CDH12: variants seen among roughly 807,000 people sequenced by gnomAD.
CDH12 encodes the protein cadherin-12.
A neutral mutation model predicts 74.1 loss-of-function variants in CDH12; 41 were observed. That is an observed-to-expected ratio of 0.55 (90% confidence interval 0.43 to 0.72). The LOEUF is 0.72. Ranked by LOEUF, CDH12 falls within the 30% of genes least tolerant of loss-of-function variation. CDH12 has a pLI of 0.00. For synonymous variants in CDH12, 399 were observed against 355.0 expected, an observed-to-expected ratio of 1.12 and a Z score of -1.39; for missense variants, 945 against 977.2, an observed-to-expected ratio of 0.97 and a Z score of 0.44.
chr5:22,135,845 C>A (rs991656765), intron 4 of CDH12, among the ~76,000 whole-genome samples: 3 of 151,898 alleles, frequency 2.0e-5, no homozygotes, highest in Non-Finnish European at 4.4e-5. Context: ...CAGGCACTTT[C>A]AGCAGCCAGA....
chr5:22,701,104 G>T (rs1020506151), intron 1 of CDH12, among the ~76,000 whole-genome samples: 1 of 151,848 alleles, frequency 6.6e-6, no homozygotes, highest in Admixed American at 6.6e-5. Flanking sequence ...GATTCTATCC[G>T]TATGCCCCAA....
chr5:22,242,717 G>C (rs775715821), intron 3 of CDH12, among the ~76,000 whole-genome samples: 3 of 152,110 alleles, frequency 2.0e-5, no homozygotes, highest in African/African-American at 7.2e-5. Flanking sequence ...GAAAGCGATA[G>C]GTGGCTCTGG....
At chr5:22,824,085 G>C (rs1252763242) in intron 1 of CDH12, among the ~76,000 whole-genome samples, 1 of 152,124 alleles carries the variant, frequency 6.6e-6, no homozygotes, top group Non-Finnish European at 1.5e-5. Context: ...GAAAGAGATT[G>C]TAATTAGACT....
intron 3 of CDH12, among the ~76,000 whole-genome samples, chr5:22,357,634 T>C (rs1360334089): frequency 2.0e-5 from 3 of 152,180 alleles, no homozygotes; most frequent in African/African-American, 7.2e-5. Context: ...TGGATTGATA[T>C]AAGAAAGTTC....
intron 9 of CDH12, among the ~76,000 whole-genome samples, chr5:21,811,253 C>G (rs1009933837): frequency 6.6e-6 from 1 of 151,996 alleles, no homozygotes; most frequent in Non-Finnish European, 1.5e-5. Context: ...TCATTTTAAA[C>G]AGTTTCTAAG....
chr5:22,236,583 A>AT, intron 3 of CDH12, among the ~76,000 whole-genome samples: 1 of 151,948 alleles, frequency 6.6e-6, no homozygotes, highest in Non-Finnish European at 1.5e-5. Context: ...AAATACAAAA[A>AT]ACACACACAA....
intron 6 of CDH12, among the ~76,000 whole-genome samples, chr5:21,942,715 T>A (rs1158818109): frequency 1.3e-5 from 2 of 152,130 alleles, no homozygotes; most frequent in African/African-American, 4.8e-5. Flanking sequence ...TTCTCATTTC[T>A]ATGTGTCTTT....
At chr5:22,184,865 T>G (rs1410380241) in intron 4 of CDH12, among the ~76,000 whole-genome samples, 2 of 152,254 alleles carry the variant, frequency 1.3e-5, no homozygotes, top group East Asian at 3.9e-4. Flanking sequence ...TTTAAAAAAC[T>G]TTTAAGTTCA....
Position 21,975,235 on chromosome 5 carries a change from G to A in CDH12, c.382C>T (p.Arg128Cys), listed in dbSNP as rs765635488. The stretch of plus-strand genomic sequence containing the variant: ...GTTTCTATGTCCACAGCCTGAGCAC[G>A]AAGAGTGTAGAAAGGTTTCTCTTCT... ...DREEKPFYTLRAQAVDIETRK... is the reference protein window; with the variant it reads ...DREEKPFYTLCAQAVDIETRK... The change falls in exon 6 of 15, where the codon CGT becomes TGT. Residue 128 changes from arginine to cysteine, a missense_variant. By Grantham distance (180) the Arg-to-Cys change is radical (BLOSUM62 -3). Around this residue, in one of 3 missense-constraint regions of CDH12, gnomAD observed 148 missense variants for 162.8 expected, o/e 0.91. Coordinates refer to ENST00000382254, the MANE Select transcript of CDH12 (RefSeq NM_004061.5). The A allele has an allele frequency of 1.0e-5, 16 of 1,597,304 alleles. No individual in the cohort carries two copies. Among genetic ancestry groups the A allele is most frequent in the South Asian group, 2.2e-5 (2 of 90,978 alleles).
At chr5:22,675,795 T>C (rs948494361) in intron 1 of CDH12, among the ~76,000 whole-genome samples, 5 of 147,626 alleles carry the variant, frequency 3.4e-5, no homozygotes, top group Non-Finnish European at 7.5e-5. Flanking sequence ...CTTAGGTATG[T>C]CTTTATCAGC....
chr5:22,503,006 G>A (rs1337633249), intron 2 of CDH12, among the ~76,000 whole-genome samples: 1 of 151,294 alleles, frequency 6.6e-6, no homozygotes, highest in Non-Finnish European at 1.5e-5. Context: ...AATGTCCTTT[G>A]GCTGCATTTT....
At chr5:22,261,056 T>C (rs1198122876) in intron 3 of CDH12, among the ~76,000 whole-genome samples, 1 of 138,730 alleles carries the variant, frequency 7.2e-6, no homozygotes, top group African/African-American at 2.5e-5. Context: ...TATATATGTG[T>C]GTGTGTGTGT....
intron 1 of CDH12, among the ~76,000 whole-genome samples, chr5:22,725,405 G>A (rs1389698831): frequency 2.6e-5 from 4 of 151,760 alleles, no homozygotes; most frequent in Non-Finnish European, 1.5e-5. Context: ...AGTTAATCTA[G>A]CTCAATCTCT....
chr5:22,483,369 C>T (rs1207218358), intron 2 of CDH12, among the ~76,000 whole-genome samples: 1 of 151,870 alleles, frequency 6.6e-6, no homozygotes, highest in African/African-American at 2.4e-5. Flanking sequence ...TTATTGAATA[C>T]CTACACTATG....
intron 4 of CDH12, among the ~76,000 whole-genome samples, chr5:22,154,469 G>A (rs1207304603): frequency 3.5e-3 from 2 of 578 alleles, no homozygotes; most frequent in East Asian, 0.11. Context: ...ACATATATAT[G>A]TACACATATA....
At chr5:21,808,032 C>T (rs929921777) in intron 9 of CDH12, among the ~76,000 whole-genome samples, 5 of 152,024 alleles carry the variant, frequency 3.3e-5, no homozygotes, top group Admixed American at 2.6e-4. Context: ...GTGGCAAGTG[C>T]TCAAGGGGTG....
At chr5:21,955,628 G>T (rs1756060922) in intron 6 of CDH12, among the ~76,000 whole-genome samples, 1 of 151,966 alleles carries the variant, frequency 6.6e-6, no homozygotes, top group Non-Finnish European at 1.5e-5. Context: ...GACAGTTTCA[G>T]GGTGAATGAG....
At chr5:22,531,155 A>G (rs1008700858) in intron 1 of CDH12, among the ~76,000 whole-genome samples, 1 of 152,158 alleles carries the variant, frequency 6.6e-6, no homozygotes, top group Non-Finnish European at 1.5e-5. Context: ...AAAATGGACC[A>G]CAATATGCTA....
chr5:22,501,462 T>C (rs1339917165), intron 2 of CDH12, among the ~76,000 whole-genome samples: 1 of 152,166 alleles, frequency 6.6e-6, no homozygotes, highest in Non-Finnish European at 1.5e-5. Flanking sequence ...AAAAGTCTGG[T>C]AGAGTCTACT....
Sources: allele counts gnomAD v4.1 joint callset (sites outside exome capture counted in the v4.1 genomes callset), GRCh38; gene constraint gnomAD v4.1.1; regional missense constraint gnomAD v4.1.1; transcripts MANE v1.5; gene names NCBI Gene and HGNC (gene_info 2026-07-23, HGNC 2026-07-21).